The following VPS13B variants were observed in gnomAD, a reference collection of about 807,000 sequenced individuals.
The protein encoded by VPS13B is vacuolar protein sorting 13 homolog B, also known as intermembrane lipid transfer protein VPS13B.
Under a neutral mutation model 426.4 loss-of-function variants are expected in VPS13B, and 285 were observed. The ratio of observed to expected loss-of-function variants is 0.67; its 90% CI spans 0.61 to 0.74. The LOEUF (loss-of-function observed/expected upper bound fraction) is 0.74. VPS13B is among the 30% of genes least tolerant of loss of function. VPS13B has a pLI of 0.00. For synonymous variants in VPS13B, 1,676 were observed against 1,676.4 expected (o/e 1.00, Z 0.01); for missense variants, 4,537 against 4,782.6 (o/e 0.95, Z 1.51).
intron 3 of VPS13B, among the ~76,000 whole-genome samples, chr8:99,043,930 A>T (rs1030438573): frequency 6.6e-6 from 1 of 151,624 alleles, no homozygotes; most frequent in Non-Finnish European, 1.5e-5. Flanking sequence ...CTTCACTTCA[A>T]TCTCTCATTT....
In VPS13B at chr8:99,586,483, A is replaced by T. The variant is rs544380123; in HGVS notation, c.5220+8850A>T. Among the ~76,000 whole-genome samples, 24 of 152,254 alleles carry T rather than the reference A, an allele frequency of 1.6e-4. No individual in the cohort carries two copies. The East Asian group carries it at 4.5e-3, about 28-fold the overall frequency. ...AATACCTGAGTCATCCCGTCTTCCC[A>T]ACTAGTCTAGTCCTTCTTAATGAGT... is the stretch of plus-strand genomic sequence containing the variant. On this transcript the variant is annotated intron_variant, in intron 33 of 61. Coordinates refer to ENST00000357162, the MANE Select transcript of VPS13B (RefSeq NM_152564.5).
At chr8:99,646,239 G>A (rs942086035) in intron 34 of VPS13B, among the ~76,000 whole-genome samples, 1 of 152,128 alleles carries the variant, frequency 6.6e-6, no homozygotes, top group Non-Finnish European at 1.5e-5. Context: ...TTTTGGGTGG[G>A]CACAGTGTCT....
chr8:99,021,394 G>A (rs949117737), intron 2 of VPS13B, among the ~76,000 whole-genome samples: 120 of 152,170 alleles, frequency 7.9e-4, no homozygotes, highest in African/African-American at 2.6e-3. Flanking sequence ...AGGCCGAGGC[G>A]GGTGGATCAC....
intron 19 of VPS13B, among the ~76,000 whole-genome samples, chr8:99,375,061 C>T (rs1813409071): frequency 6.6e-6 from 1 of 152,206 alleles, no homozygotes; most frequent in African/African-American, 2.4e-5. Flanking sequence ...TCTTTCTCAT[C>T]TCTCCAGCCT....
chr8:99,153,372 G>C (rs1240841690), intron 14 of VPS13B, among the ~76,000 whole-genome samples: 1 of 151,832 alleles, frequency 6.6e-6, no homozygotes, highest in East Asian at 1.9e-4. Context: ...CTTGTTATTT[G>C]TTCCTGATTT....
chr8:99,847,397 G>GAAT, intron 54 of VPS13B, among the ~76,000 whole-genome samples: 1 of 152,312 alleles, frequency 6.6e-6, no homozygotes, highest in Non-Finnish European at 1.5e-5. Flanking sequence ...TGTAGAAGTA[G>GAAT]GTGTCAGTCC....
intron 16 of VPS13B, among the ~76,000 whole-genome samples, chr8:99,189,221 T>C (rs1473215357): frequency 6.6e-6 from 1 of 152,000 alleles, no homozygotes; most frequent in Non-Finnish European, 1.5e-5. Context: ...AGTGCTGGGA[T>C]TACAGGCGTG....
chr8:99,690,175 A>G (rs950283654), intron 35 of VPS13B, among the ~76,000 whole-genome samples: 1 of 152,160 alleles, frequency 6.6e-6, no homozygotes, highest in African/African-American at 2.4e-5. Flanking sequence ...CTCTTCCAGT[A>G]CCCCAAATTC....
At chr8:99,656,089 G>T (rs1588593593) in intron 34 of VPS13B, among the ~76,000 whole-genome samples, 1 of 152,312 alleles carries the variant, frequency 6.6e-6, no homozygotes, top group East Asian at 1.9e-4. Context: ...TATTCCTTAT[G>T]ACATAATATG....
At chr8:99,350,164 G>T (rs528306750) in intron 19 of VPS13B, among the ~76,000 whole-genome samples, 1 of 152,132 alleles carries the variant, frequency 6.6e-6, no homozygotes, top group East Asian at 1.9e-4. Flanking sequence ...CAGAATGAAG[G>T]GGGAGAAATA....
Position 99,853,445 on chromosome 8 carries a change from C to T in VPS13B, c.10062-6C>T, listed in dbSNP as rs745353782. 6.8e-6 allele frequency: 11 copies of T among 1,614,104 alleles called. No homozygotes were observed. Among genetic ancestry groups the T allele is most frequent in the Middle Eastern group, 1.6e-4 (1 of 6,062 alleles). The stretch of plus-strand genomic sequence containing the variant: ...GGACTAATGTTCTTGTCCCTTTCTC[C>T]TCTAGAGCGCCAGAGAAGATTGTTA... On this transcript the variant is annotated splice_polypyrimidine_tract_variant and splice_region_variant and intron_variant, in intron 55 of 61. Transcript: ENST00000357162.
chr8:99,520,719 A>G (rs1162296494), intron 29 of VPS13B, among the ~76,000 whole-genome samples, 180 bp from the exon 30 acceptor site: 2 of 152,132 alleles, frequency 1.3e-5, no homozygotes, highest in Non-Finnish European at 1.5e-5. Flanking sequence ...GGGTATTAAC[A>G]GAGTTAAGAA....
At chr8:99,557,399 G>A (rs1400897306) in intron 31 of VPS13B, among the ~76,000 whole-genome samples, 1 of 151,780 alleles carries the variant, frequency 6.6e-6, no homozygotes, top group East Asian at 1.9e-4. Flanking sequence ...ATGATACTTG[G>A]TTTTCCATTC....
intron 3 of VPS13B, among the ~76,000 whole-genome samples, chr8:99,063,092 A>T (rs1391410601): frequency 6.6e-6 from 1 of 152,180 alleles, no homozygotes; most frequent in African/African-American, 2.4e-5. Flanking sequence ...ACAATCCATA[A>T]ATTGACTCTT....
intron 39 of VPS13B, among the ~76,000 whole-genome samples, chr8:99,725,428 C>T (rs1036811617): frequency 5.1e-4 from 78 of 152,112 alleles, no homozygotes; most frequent in African/African-American, 1.8e-3. Flanking sequence ...TTGTGAACTG[C>T]GCATGTGAGG....
intron 33 of VPS13B, among the ~76,000 whole-genome samples, chr8:99,588,861 G>A (rs1178963474): frequency 6.6e-6 from 1 of 151,928 alleles, no homozygotes; most frequent in South Asian, 2.1e-4. Context: ...TTGAATAGGA[G>A]TGGTGAGAGA....
At chr8:99,838,371 G>T (rs759619234) in intron 54 of VPS13B, among the ~76,000 whole-genome samples, 3 of 152,188 alleles carry the variant, frequency 2.0e-5, no homozygotes, top group African/African-American at 4.8e-5. Flanking sequence ...CAGGAAAATA[G>T]TTCAGACTCC....
At chr8:99,086,276 G>GTC (rs1845790207) in intron 3 of VPS13B, among the ~76,000 whole-genome samples, 1 of 152,070 alleles carries the variant, frequency 6.6e-6, no homozygotes, top group African/African-American at 2.4e-5. Context: ...GTGCATTCAT[G>GTC]ATGTAGTTCT....
At chr8:99,745,726 G>C (rs900763607) in intron 39 of VPS13B, among the ~76,000 whole-genome samples, 2 of 151,998 alleles carry the variant, frequency 1.3e-5, no homozygotes, top group African/African-American at 4.8e-5. Context: ...TAAACTCTGA[G>C]TCTAACCCAT....
Sources: gnomAD v4.1 joint callset for allele counts (sites outside exome capture counted in the v4.1 genomes callset) on GRCh38, gnomAD v4.1.1 for gene constraint, MANE v1.5 for transcripts, NCBI Gene and HGNC (gene_info 2026-07-23, HGNC 2026-07-21) for gene names.